SP2: variants seen among roughly 807,000 people sequenced by gnomAD.
The protein encoded by SP2 is Sp2 transcription factor, also known as transcription factor Sp2.
A neutral mutation model predicts 50.1 loss-of-function variants in SP2; 9 were observed. The observed-to-expected ratio is 0.18, with a 90% CI of 0.11 to 0.31. The LOEUF is 0.31. Among genes scored for constraint, SP2 ranks in the 10% least tolerant of loss-of-function variants. SP2 has a pLI of 1.00. For missense variants in SP2, 581 were observed against 806.5 expected (o/e 0.72, Z 3.39); for synonymous variants, 313 against 326.6 (o/e 0.96, Z 0.45).
intron 6 of SP2, among the ~76,000 whole-genome samples, chr17:47,925,962 G>A (rs1835690663): frequency 7.3e-6 from 1 of 137,478 alleles, no homozygotes; most frequent in Non-Finnish European, 1.5e-5. Context: ...TTTTGCCCAG[G>A]CTGGAGTGAA....
At chr17:47,925,930 T>TTTTTTTTTTC (rs2035628780) in intron 6 of SP2, among the ~76,000 whole-genome samples, 1 of 107,082 alleles carries the variant, frequency 9.3e-6, no homozygotes, top group African/African-American at 3.4e-5. Flanking sequence ...TTTTTTTTTT[T>TTTTTTTTTTC]TTTGGAGATG....
downstream of SP2, among the ~76,000 whole-genome samples, chr17:47,929,515 T>C (rs1022592916): frequency 6.6e-6 from 1 of 152,204 alleles, no homozygotes; most frequent in Non-Finnish European, 1.5e-5. Flanking sequence ...CTGCACCCGA[T>C]AGAGGACTCT....
intron 1 of SP2, among the ~76,000 whole-genome samples, chr17:47,904,792 C>A (rs2143814837): frequency 6.6e-6 from 1 of 152,180 alleles, no homozygotes; most frequent in Non-Finnish European, 1.5e-5. Context: ...TTTTTAAAGA[C>A]AGGGTCTCAC....
chr17:47,919,982 G>A (rs150983510), intron 3 of SP2, among the ~76,000 whole-genome samples: 17 of 149,050 alleles, frequency 1.1e-4, no homozygotes, highest in East Asian at 4.0e-4. Context: ...GATTACAGGC[G>A]CGTGCCACCA....
downstream of SP2, among the ~76,000 whole-genome samples, chr17:47,929,492 G>T (rs2035774741): frequency 6.6e-6 from 1 of 152,238 alleles, no homozygotes. Flanking sequence ...AGCTAGAGAG[G>T]CCTGGAGCCC....
downstream of SP2, chr17:47,930,062 T>C (rs1274574752): frequency 6.6e-6 from 1 of 152,140 alleles, no homozygotes; most frequent in African/African-American, 2.4e-5. Context: ...GCCTTTCCTA[T>C]CCCTACGGAA....
intron 1 of SP2, chr17:47,898,368 A>G (rs1370929288): frequency 2.6e-5 from 4 of 152,220 alleles, no homozygotes; most frequent in African/African-American, 9.6e-5. Context: ...TCTGGTGGTT[A>G]ATACCAGCTT....
Position 47,916,826 on chromosome 17 carries a change from T to C in SP2, c.755T>C (p.Leu252Pro), listed in dbSNP as rs769758080. ...AACAAGAAAGCAAGGAAGAAGAGCC[T>C]TCCTGCCTCCCAGCCCCCTGTGGCT... ...KTNKKARKKSLPASQPPVAVA... is the reference protein window; with the variant it reads ...KTNKKARKKSPPASQPPVAVA... Residue 252 changes from leucine (L) to proline (P), a missense_variant, in exon 3 of 7, where the codon CTT becomes CCT. Leu to Pro is a moderately conservative substitution (Grantham distance 98). This residue lies in a region of SP2 where 397 missense variants were observed against 491.0 expected (regional missense o/e 0.81). Coordinates refer to ENST00000376741, the MANE Select transcript of SP2 (RefSeq NM_003110.6). The surrounding 1 kb of genome is among the most constrained non-coding windows in gnomAD (Gnocchi z 4.7). 2.5e-6 allele frequency: 4 copies of C among 1,614,174 alleles called. No homozygotes were observed. The South Asian group carries it at 3.3e-5, about 13-fold the overall frequency.
At chr17:47,903,912 T>C (rs12939572) in intron 1 of SP2, among the ~76,000 whole-genome samples, 50,822 of 150,956 alleles carry the variant, frequency 0.34, 8,692 homozygotes, top group East Asian at 0.52. Context: ...TGCAGTGAGC[T>C]GAGATTGTGC....
chr17:47,909,199 C>T (rs1172435005), intron 1 of SP2, among the ~76,000 whole-genome samples: 1 of 152,132 alleles, frequency 6.6e-6, no homozygotes, highest in African/African-American at 2.4e-5. Context: ...CAGATGTGGC[C>T]CAAGTGTGTA....
At chr17:47,926,023 TCTC>T (rs1176678966) in intron 6 of SP2, among the ~76,000 whole-genome samples, 1 of 149,078 alleles carries the variant, frequency 6.7e-6, no homozygotes, top group Non-Finnish European at 1.5e-5. Flanking sequence ...TTCAAGCAAT[TCTC>T]CTGCCTCAGC....
chr17:47,897,200 T>A (rs906226674), intron 1 of SP2: 1 of 152,292 alleles, frequency 6.6e-6, no homozygotes, highest in Non-Finnish European at 1.5e-5. Context: ...CAGCCTCTTA[T>A]CCATGCTTCT....
At chr17:47,902,217 A>G (rs1455057270) in intron 1 of SP2, among the ~76,000 whole-genome samples, 1 of 152,128 alleles carries the variant, frequency 6.6e-6, no homozygotes, top group Non-Finnish European at 1.5e-5. Context: ...CAGGGGCCAT[A>G]CTTGGTATGT....
chr17:47,930,733 C>A (rs1424613330), downstream of SP2, among the ~76,000 whole-genome samples: 4 of 152,156 alleles, frequency 2.6e-5, no homozygotes, highest in East Asian at 7.7e-4. Flanking sequence ...TCCTGATGGG[C>A]CCTTGATGAA....
chr17:47,919,821 A>G (rs1238619170), intron 3 of SP2, among the ~76,000 whole-genome samples: 1 of 69,952 alleles, frequency 1.4e-5, no homozygotes, highest in Non-Finnish European at 2.8e-5. Context: ...ACACTTTGTC[A>G]TTCCTTTTTT....
intron 4 of SP2, among the ~76,000 whole-genome samples, chr17:47,924,050 G>A (rs1421313268): frequency 6.6e-6 from 1 of 151,890 alleles, no homozygotes; most frequent in Admixed American, 6.6e-5. Flanking sequence ...TCCCTCTTGA[G>A]GTGACCCCCA....
chr17:47,910,683 C>A (rs558669812), intron 1 of SP2, among the ~76,000 whole-genome samples: 1 of 152,318 alleles, frequency 6.6e-6, no homozygotes, highest in South Asian at 2.1e-4. Context: ...ACAGACTTGA[C>A]ACTTAGGCTC....
intron 3 of SP2, among the ~76,000 whole-genome samples, chr17:47,920,263 C>T (rs1289095047): frequency 6.6e-6 from 1 of 151,446 alleles, no homozygotes; most frequent in African/African-American, 2.4e-5. Context: ...TTACAGATAC[C>T]CGCCTCTGCG....
rs1262264115 is a variant in SP2, at chr17:47,923,063, T to C, written c.1161T>C (p.Pro387=). ...CCTCTAACACCACCTGTAGCAGCCCTGCATCCCGTGCTCCCCATCTGAGTG... is the reference window on the plus strand; with the variant it reads ...CCTCTAACACCACCTGTAGCAGCCCCGCATCCCGTGCTCCCCATCTGAGTG... ...AATSNTTCSS[P]ASRAPHLSGT... is the part of the protein sequence containing the mutation. The change falls in exon 4 of 7, where the codon CCT becomes CCC. Residue 387 remains proline (P), a synonymous_variant. Transcript: ENST00000376741. 10 of 1,614,078 alleles carry C rather than the reference T, an allele frequency of 6.2e-6. No homozygotes were observed. The highest frequency in any genetic ancestry group is 8.5e-6 in the Non-Finnish European group (10 of 1,180,032).
Sources: gnomAD v4.1 joint callset for allele counts (sites outside exome capture counted in the v4.1 genomes callset) on GRCh38, gnomAD v4.1.1 for gene constraint, gnomAD v4.1.1 regional missense constraint, Gnocchi (gnomAD v3.1) non-coding constraint, MANE v1.5 for transcripts, NCBI Gene and HGNC (gene_info 2026-07-23, HGNC 2026-07-21) for gene names.